The following AGPAT3 variants were observed in gnomAD, a reference collection of about 807,000 sequenced individuals.
AGPAT3 encodes the protein 1-acyl-sn-glycerol-3-phosphate acyltransferase gamma.
AGPAT3 carries 5 observed loss-of-function variants against 47.3 expected under a neutral mutation model. That is an observed-to-expected ratio of 0.11 (90% CI 0.06 to 0.22). AGPAT3 has a LOEUF of 0.22. AGPAT3 is among the 10% of genes least tolerant of loss of function. The probability of loss-of-function intolerance (pLI) is 1.00; values close to 1 mark genes in which losing one functional copy is unlikely to be tolerated. For synonymous variants in AGPAT3, 212 were observed against 208.3 expected, an observed-to-expected ratio of 1.02 and a Z score of -0.15; for missense variants, 315 against 493.0, an observed-to-expected ratio of 0.64 and a Z score of 3.42.
At chr21:43,870,981 G>C (rs1303338709) in intron 1 of AGPAT3, among the ~76,000 whole-genome samples, 2 of 152,166 alleles carry the variant, frequency 1.3e-5, no homozygotes, top group African/African-American at 4.8e-5. Context: ...GGTGGGTATA[G>C]GACCAGAGTG....
chr21:43,900,467 CAG>C (rs2086323820), intron 1 of AGPAT3, among the ~76,000 whole-genome samples: 1 of 152,132 alleles, frequency 6.6e-6, no homozygotes, highest in South Asian at 2.1e-4. Context: ...GTGTCACCTG[CAG>C]AGTCTCCAGC....
At position 43,908,687 on chromosome 21, in the gene AGPAT3, A is replaced by G. The variant is rs1009199635; in HGVS notation, c.-49+4668A>G. On this transcript the variant is annotated intron_variant, in intron 2 of 9. Coordinates refer to ENST00000291572, the MANE Select transcript of AGPAT3 (RefSeq NM_020132.5). The surrounding 1 kb of genome is among the most constrained non-coding windows in gnomAD (Gnocchi z 4.9). ...CTGTGAAATGCCAGCAGCTTCTAAAACCTTTGGGTTCTTTAAGAAAAGGCT... is the reference window on the plus strand; with the variant it reads ...CTGTGAAATGCCAGCAGCTTCTAAAGCCTTTGGGTTCTTTAAGAAAAGGCT... 4.6e-5 allele frequency among the ~76,000 whole-genome samples: 7 copies of G among 152,122 alleles called. No individual in the cohort carries two copies. The highest frequency in any genetic ancestry group is 1.7e-4 in the African/African-American group (7 of 41,414).
chr21:43,911,449 G>A (rs997999283), intron 2 of AGPAT3, among the ~76,000 whole-genome samples: 3 of 152,254 alleles, frequency 2.0e-5, no homozygotes, highest in East Asian at 3.8e-4. Context: ...CCAACGCAGC[G>A]AGGCCTGTCT....
chr21:43,865,709 G>T (rs983704040), intron 1 of AGPAT3, among the ~76,000 whole-genome samples: 1 of 151,532 alleles, frequency 6.6e-6, no homozygotes, highest in Non-Finnish European at 1.5e-5. Context: ...CCGGGCCGAG[G>T]GAGGGCGAGT....
In AGPAT3 at chr21:43,934,673, T is replaced by C. The variant is rs527712274; in HGVS notation, c.-48-24961T>C. ...AGCCCTGGTCGTGAGCAGGATGACA[T>C]TCAGATAGCTGGGAGCACGAGGAGG... On this transcript the variant is annotated intron_variant, in intron 2 of 9. Transcript: ENST00000291572. This position sits in a 1 kb window ranked among gnomAD's most constrained non-coding sequence, Gnocchi z 4.7. Among the ~76,000 whole-genome samples the C allele has an allele frequency of 6.6e-6, 1 of 152,120 alleles. No homozygotes were observed. Among genetic ancestry groups the C allele is most frequent in the Admixed American group, 6.5e-5 (1 of 15,274 alleles).
chr21:43,970,851 G>A lies in AGPAT3; in HGVS notation c.664+45G>A. ...AGCCGGGGCCACCGCTATGCTCACG[G>A]AAAATAGTGATTTCTTTAAAAAAAA... On this transcript the variant is annotated intron_variant, in intron 6 of 9. Coordinates refer to ENST00000291572, the MANE Select transcript of AGPAT3 (RefSeq NM_020132.5). This position sits in a 1 kb window ranked among gnomAD's most constrained non-coding sequence, Gnocchi z 5.8. The A allele has an allele frequency of 2.1e-6, 3 of 1,439,392 alleles. No homozygotes were observed. Among genetic ancestry groups the A allele is most frequent in the Non-Finnish European group, 1.8e-6 (2 of 1,095,606 alleles). 89.2% of individuals were successfully genotyped at this position (1,439,392 alleles called of 1,614,324 possible).
In AGPAT3 at chr21:43,987,098, G is replaced by A. The variant is rs2030375636; in HGVS notation, c.*4706G>A. On this transcript the variant is annotated 3_prime_UTR_variant, in exon 10 of 10. Coordinates refer to ENST00000291572, the MANE Select transcript of AGPAT3 (RefSeq NM_020132.5). ...GCATCTGTTTATTAAAATTGCTGCTGTGAAAGACAGGGATAAAATATCCAC... is the reference window on the plus strand; with the variant it reads ...GCATCTGTTTATTAAAATTGCTGCTATGAAAGACAGGGATAAAATATCCAC... Among the ~76,000 whole-genome samples the A allele has an allele frequency of 6.6e-6, 1 of 152,118 alleles. No individual in the cohort carries two copies. The highest frequency in any genetic ancestry group is 2.4e-5 in the African/African-American group (1 of 41,436).
chr21:43,900,698 G>C (rs1444158946), intron 1 of AGPAT3, among the ~76,000 whole-genome samples: 1 of 152,172 alleles, frequency 6.6e-6, no homozygotes, highest in Admixed American at 6.5e-5. Flanking sequence ...GGGAGAGCAG[G>C]GGTGGCACAG....
At chr21:43,897,418 T>C (rs2086245780) in intron 1 of AGPAT3, among the ~76,000 whole-genome samples, 1 of 152,006 alleles carries the variant, frequency 6.6e-6, no homozygotes, top group South Asian at 2.1e-4. Flanking sequence ...CCCCCTTTTC[T>C]ATTCGACAAA....
At position 43,876,114 on chromosome 21, in the gene AGPAT3, G is replaced by A. The variant is rs115577577; in HGVS notation, c.-112+10769G>A. ...TCTTTTAATTTTCATTTTTTTAATA[G>A]TTATATTTTTCATTCCTGAAAGTTC... On this transcript the variant is annotated intron_variant, in intron 1 of 9. Transcript: ENST00000291572. Among the ~76,000 whole-genome samples the A allele has an allele frequency of 5.8e-3, 875 of 152,068 alleles. 8 individuals are homozygous for A. Among genetic ancestry groups the A allele is most frequent in the African/African-American group, 0.02 (817 of 41,474 alleles).
chr21:43,924,955 G>A (rs1160407933), intron 2 of AGPAT3: 6 of 152,296 alleles, frequency 3.9e-5, no homozygotes, highest in African/African-American at 1.4e-4. Context: ...TGTGTGAGAA[G>A]AGGCATTTTC....
rs1316004927 is a variant in AGPAT3 at position 43,932,216 on chromosome 21, A to G, written c.-48-27418A>G. 6.6e-6 allele frequency among the ~76,000 whole-genome samples: 1 copy of G among 152,138 alleles called. No homozygotes were observed. Among genetic ancestry groups the G allele is most frequent in the Admixed American group, 6.5e-5 (1 of 15,276 alleles). ...CGGCCGATCACGAACACGTCCCTCC[A>G]GTCTAACTGAAACTGCTCCCTTTGA... is the stretch of plus-strand genomic sequence containing the variant. On this transcript the variant is annotated intron_variant, in intron 2 of 9. Coordinates refer to ENST00000291572, the MANE Select transcript of AGPAT3 (RefSeq NM_020132.5). The surrounding 1 kb of genome is among the most constrained non-coding windows in gnomAD (Gnocchi z 5.2).
At position 43,955,846 on chromosome 21, in the gene AGPAT3, G is replaced by A. The variant is rs1430416360; in HGVS notation, c.-48-3788G>A. Among the ~76,000 whole-genome samples, 1 of 150,504 alleles carries A rather than the reference G, an allele frequency of 6.6e-6. No individual in the cohort carries two copies. The highest frequency in any genetic ancestry group is 1.5e-5 in the Non-Finnish European group (1 of 67,856). Reference sequence around the variant, plus strand: ...GCTTGAACCCAGGAAGCTGCAGTGAGCCAAGATGGCACCACAGCACTCTAA... The same window carrying A: ...GCTTGAACCCAGGAAGCTGCAGTGAACCAAGATGGCACCACAGCACTCTAA... On this transcript the variant is annotated intron_variant, in intron 2 of 9. Transcript: ENST00000291572. The surrounding 1 kb of genome is among the most constrained non-coding windows in gnomAD (Gnocchi z 4.1).
At chr21:43,957,572 G>A (rs1216454191) in intron 2 of AGPAT3, among the ~76,000 whole-genome samples, 1 of 145,260 alleles carries the variant, frequency 6.9e-6, no homozygotes, top group Non-Finnish European at 1.5e-5. Flanking sequence ...GGGGTCTCGG[G>A]TTTCCCCCTC....
rs146366950 is a variant in AGPAT3 at position 43,932,195 on chromosome 21, C to T, written c.-48-27439C>T. Among the ~76,000 whole-genome samples, 84 of 152,288 alleles carry T rather than the reference C, an allele frequency of 5.5e-4. 3 individuals are homozygous for T. In the East Asian group the frequency reaches 0.011, roughly 21 times the overall value. ...TTAACTGGTCGCCACGCAGCGCGGC[C>T]GATCACGAACACGTCCCTCCAGTCT... On this transcript the variant is annotated intron_variant, in intron 2 of 9. Coordinates refer to ENST00000291572, the MANE Select transcript of AGPAT3 (RefSeq NM_020132.5). This position sits in a 1 kb window ranked among gnomAD's most constrained non-coding sequence, Gnocchi z 5.2.
chr21:43,925,868 G>A (rs777702644), intron 2 of AGPAT3, among the ~76,000 whole-genome samples: 13 of 152,218 alleles, frequency 8.5e-5, no homozygotes, highest in South Asian at 2.1e-4. Context: ...GCCAATCCTC[G>A]TCTGCTGCAA....
At chr21:43,905,346 C>T (rs1394041383) in intron 2 of AGPAT3, among the ~76,000 whole-genome samples, 6 of 151,984 alleles carry the variant, frequency 3.9e-5, no homozygotes, top group Non-Finnish European at 8.8e-5. Context: ...CCCGCCACCA[C>T]GTCCGGCTAA....
intron 7 of AGPAT3, among the ~76,000 whole-genome samples, chr21:43,975,985 CTT>C (rs112906148): frequency 1.1e-4 from 15 of 140,478 alleles, no homozygotes; most frequent in Non-Finnish European, 6.2e-5. Context: ...TTTTCTTTTC[CTT>C]TTTTTTTTTT....
At chr21:43,924,503 G>A (rs2146214809) in intron 2 of AGPAT3, among the ~76,000 whole-genome samples, 1 of 152,340 alleles carries the variant, frequency 6.6e-6, no homozygotes, top group East Asian at 1.9e-4. Flanking sequence ...GCTCCCGTGA[G>A]GAGCAGGCTC....
Sources: gnomAD v4.1 joint callset for allele counts (sites outside exome capture counted in the v4.1 genomes callset) on GRCh38, gnomAD v4.1.1 for gene constraint, Gnocchi (gnomAD v3.1) non-coding constraint, MANE v1.5 for transcripts, NCBI Gene and HGNC (gene_info 2026-07-23, HGNC 2026-07-21) for gene names.